The following OR1J2 variants were observed in gnomAD, a reference collection of about 807,000 sequenced individuals.
The protein encoded by OR1J2 is olfactory receptor family 1 subfamily J member 2.
For missense variants in OR1J2, 304 were observed against 246.1 expected, an observed-to-expected ratio of 1.24 and a Z score of -1.57; for synonymous variants, 142 against 99.7, an observed-to-expected ratio of 1.42 and a Z score of -2.52.
chr9:122,560,794 G>A, the OR1J2 span, among the ~76,000 whole-genome samples: 5 of 152,134 alleles, frequency 3.3e-5, no homozygotes, highest in East Asian at 9.6e-4. Flanking sequence ...AGAATTTGAT[G>A]ATTATGTGTC....
At position 122,511,292 on chromosome 9, in the gene OR1J2, C is replaced by G. The variant is rs745789076; in HGVS notation, c.491C>G (p.Thr164Ser). ...TCCCTCTCTCACACCCTTCTCCTGA[C>G]CCGGCTGTCTTTCTGTGCTGCGAAC... ...ASSLSHTLLL[T>S]RLSFCAANTI... The change falls in exon 1 of 1, where the codon ACC becomes AGC. Residue 164 changes from threonine (T) to serine (S), a missense_variant. Thr to Ser is a moderately conservative substitution (Grantham distance 58, BLOSUM62 1). Transcript: ENST00000335302. The G allele has an allele frequency of 2.7e-6, 2 of 736,492 alleles. No individual in the cohort carries two copies. The highest frequency in any genetic ancestry group is 3.0e-5 in the South Asian group (2 of 65,636). 45.6% of individuals were successfully genotyped at this position (736,492 alleles called of 1,614,324 possible).
chr9:122,561,271 T>C, the OR1J2 span, among the ~76,000 whole-genome samples: 2 of 152,192 alleles, frequency 1.3e-5, no homozygotes, highest in South Asian at 4.1e-4. Flanking sequence ...CTTCTTTGCA[T>C]TGGGTTAGAA....
At chr9:122,578,980 A>G in the OR1J2 span, among the ~76,000 whole-genome samples, 1 of 31,914 alleles carries the variant, frequency 3.1e-5, no homozygotes. Flanking sequence ...CTCAGAAATT[A>G]CCACTAAACT....
chr9:122,512,453 C>A (rs111814678), downstream of OR1J2, among the ~76,000 whole-genome samples: 188 of 152,310 alleles, frequency 1.2e-3, no homozygotes, highest in African/African-American at 4.4e-3. Context: ...CTGCCACATG[C>A]AACAATGCTG....
the OR1J2 span, among the ~76,000 whole-genome samples, chr9:122,575,882 T>G: frequency 6.6e-6 from 1 of 152,208 alleles, no homozygotes; most frequent in African/African-American, 2.4e-5. Flanking sequence ...TTGACCTACA[T>G]CTCCCAATTT....
At chr9:122,528,498 T>C in the OR1J2 span, among the ~76,000 whole-genome samples, 19 of 152,166 alleles carry the variant, frequency 1.2e-4, no homozygotes, top group African/African-American at 4.3e-4. Context: ...CTTGGTAGGC[T>C]GAGGCCGGAG....
At chr9:122,533,540 C>T in the OR1J2 span, among the ~76,000 whole-genome samples, 45 of 151,774 alleles carry the variant, frequency 3.0e-4, no homozygotes, top group African/African-American at 8.5e-4. Flanking sequence ...GGGGAGAAGG[C>T]GGCAATGAGG....
At chr9:122,505,546 G>A in the OR1J2 span, among the ~76,000 whole-genome samples, 1 of 152,080 alleles carries the variant, frequency 6.6e-6, no homozygotes, top group Admixed American at 6.6e-5. Context: ...GTTTTGAAGG[G>A]GACAGACATT....
the OR1J2 span, among the ~76,000 whole-genome samples, chr9:122,496,214 T>C: frequency 6.6e-6 from 1 of 152,116 alleles, no homozygotes; most frequent in African/African-American, 2.4e-5. Context: ...TGCAGTCCTA[T>C]GGGGAGGATG....
chr9:122,543,357 C>T, the OR1J2 span, among the ~76,000 whole-genome samples: 1 of 152,128 alleles, frequency 6.6e-6, no homozygotes, highest in Non-Finnish European at 1.5e-5. Context: ...CATGTGCTAC[C>T]ACGCCCAGCT....
chr9:122,528,977 T>C, the OR1J2 span, among the ~76,000 whole-genome samples: 3 of 152,266 alleles, frequency 2.0e-5, no homozygotes, highest in Admixed American at 2.0e-4. Context: ...TCCTGATTTA[T>C]ATTTAGAGTC....
At chr9:122,570,910 C>G in the OR1J2 span, among the ~76,000 whole-genome samples, 1 of 152,286 alleles carries the variant, frequency 6.6e-6, no homozygotes, top group South Asian at 2.1e-4. Context: ...TATGTTATTA[C>G]TGTTGCCATT....
At chr9:122,481,601 A>T in the OR1J2 span, among the ~76,000 whole-genome samples, 10 of 152,246 alleles carry the variant, frequency 6.6e-5, no homozygotes, top group Admixed American at 1.3e-4. Flanking sequence ...CATATTAAGC[A>T]TGTGAGGGGT....
At chr9:122,563,346 T>C in the OR1J2 span, among the ~76,000 whole-genome samples, 1 of 152,244 alleles carries the variant, frequency 6.6e-6, no homozygotes, top group African/African-American at 2.4e-5. Context: ...GATTTGCATT[T>C]CCCTAATGAT....
At chr9:122,569,131 A>AT in the OR1J2 span, among the ~76,000 whole-genome samples, 101 of 151,730 alleles carry the variant, frequency 6.7e-4, no homozygotes, top group African/African-American at 2.1e-3. Flanking sequence ...CAATAGAGTG[A>AT]TTTTTTTTTC....
chr9:122,529,880 G>A, the OR1J2 span, among the ~76,000 whole-genome samples: 1 of 152,176 alleles, frequency 6.6e-6, no homozygotes, highest in African/African-American at 2.4e-5. Flanking sequence ...TTTGTCTCAA[G>A]TGACTCTGCT....
At chr9:122,525,420 A>T in the OR1J2 span, among the ~76,000 whole-genome samples, 1 of 152,224 alleles carries the variant, frequency 6.6e-6, no homozygotes, top group Non-Finnish European at 1.5e-5. Flanking sequence ...ACCTGGTGAT[A>T]CCAGATGTAA....
chr9:122,466,266 G>C, the OR1J2 span, among the ~76,000 whole-genome samples: 3 of 152,136 alleles, frequency 2.0e-5, no homozygotes, highest in Admixed American at 6.5e-5. Flanking sequence ...CTATTCTTGA[G>C]GCTTTTCCTG....
At chr9:122,497,309 AG>A in the OR1J2 span, among the ~76,000 whole-genome samples, 1 of 152,190 alleles carries the variant, frequency 6.6e-6, no homozygotes, top group African/African-American at 2.4e-5. Flanking sequence ...TCAGAGTGGG[AG>A]CTGCAAGTTA....
Sources: allele counts gnomAD v4.1 joint callset (sites outside exome capture counted in the v4.1 genomes callset), GRCh38; gene constraint gnomAD v4.1.1; transcripts MANE v1.5; gene names NCBI Gene and HGNC (gene_info 2026-07-23, HGNC 2026-07-21).